Variants in IMMP2L observed in about 807,000 individuals in gnomAD.
IMMP2L encodes inner mitochondrial membrane peptidase subunit 2, also known as mitochondrial inner membrane protease subunit 2.
Under a neutral mutation model 19.3 loss-of-function variants are expected in IMMP2L, and 18 were observed. The observed-to-expected ratio is 0.93, with a 90% CI of 0.64 to 1.38. IMMP2L has a LOEUF of 1.38. Ranked by LOEUF, IMMP2L falls within the 40% of genes most tolerant of loss-of-function variation. The pLI, the probability that IMMP2L is intolerant of heterozygous loss-of-function variation, is 0.00. For missense variants in IMMP2L, 233 were observed against 218.2 expected (o/e 1.07, Z -0.43); for synonymous variants, 76 against 73.0 (o/e 1.04, Z -0.21).
chr7:111,066,025 C>T (rs1304649159), intron 3 of IMMP2L, among the ~76,000 whole-genome samples: 1 of 139,242 alleles, frequency 7.2e-6, no homozygotes, highest in Admixed American at 7.8e-5. Flanking sequence ...GTCTCCCAGG[C>T]TTGAGTGCTA....
chr7:111,048,959 T>C (rs183461737), intron 3 of IMMP2L, among the ~76,000 whole-genome samples: 326 of 152,160 alleles, frequency 2.1e-3, no homozygotes, highest in African/African-American at 7.7e-3. Flanking sequence ...GTGCATTAAG[T>C]GGACCCAGAG....
intron 3 of IMMP2L, among the ~76,000 whole-genome samples, chr7:110,983,056 C>T (rs1821470780): frequency 6.6e-6 from 1 of 152,128 alleles, no homozygotes; most frequent in African/African-American, 2.4e-5. Context: ...TATTTATAGT[C>T]ATGCAATTAT....
intron 5 of IMMP2L, among the ~76,000 whole-genome samples, chr7:110,861,123 G>C (rs1180138569): frequency 2.8e-5 from 4 of 145,424 alleles, no homozygotes; most frequent in Non-Finnish European, 4.6e-5. Context: ...GAGAGAGAGA[G>C]AGAGAGACAG....
At chr7:110,678,443 A>T (rs956072017) in intron 5 of IMMP2L, among the ~76,000 whole-genome samples, 3 of 152,174 alleles carry the variant, frequency 2.0e-5, no homozygotes, top group Non-Finnish European at 4.4e-5. Flanking sequence ...ATCTTTAAAT[A>T]TAAGAAAAGG....
intron 2 of IMMP2L, among the ~76,000 whole-genome samples, chr7:111,499,752 T>C (rs577690097): frequency 6.6e-6 from 1 of 152,298 alleles, no homozygotes; most frequent in East Asian, 1.9e-4. Context: ...AATGGTTCCC[T>C]AATTTATTGG....
At chr7:111,285,150 G>C (rs1291007040) in intron 3 of IMMP2L, among the ~76,000 whole-genome samples, 2 of 152,082 alleles carry the variant, frequency 1.3e-5, no homozygotes, top group African/African-American at 4.8e-5. Flanking sequence ...CCTATGACAT[G>C]AAACAGTGTG....
rs540358979 is a variant in IMMP2L at position 111,537,378 on chromosome 7, G to C, written c.-2-15929C>G. ...GGTCAACATGGTAGTGAGCCAAAGTGAGCATTCATGAAAAAAATAGAAATC... is the reference window on the plus strand; with the variant it reads ...GGTCAACATGGTAGTGAGCCAAAGTCAGCATTCATGAAAAAAATAGAAATC... On this transcript the variant is annotated intron_variant, in intron 1 of 5. Coordinates refer to ENST00000405709, the MANE Select transcript of IMMP2L (RefSeq NM_032549.4). Among the ~76,000 whole-genome samples the C allele has an allele frequency of 3.3e-5, 5 of 152,046 alleles. No homozygotes were observed. In the South Asian group the frequency reaches 1.0e-3, roughly 32 times the overall value.
At chr7:110,815,707 G>C (rs1802442649) in intron 5 of IMMP2L, among the ~76,000 whole-genome samples, 1 of 152,086 alleles carries the variant, frequency 6.6e-6, no homozygotes, top group African/African-American at 2.4e-5. Flanking sequence ...GGGTGTATGT[G>C]TCGAGGAATT....
chr7:111,187,301 A>T lies in IMMP2L; in HGVS notation c.240-223736T>A, dbSNP rs546394496. ...AGAGCAACTGCATAGACAAGACATA[A>T]GTTCTGCCACCCAAGGAGAGGGCCA... On this transcript the variant is annotated intron_variant, in intron 3 of 5. Transcript: ENST00000405709. Among the ~76,000 whole-genome samples, 32 of 152,256 alleles carry T rather than the reference A, an allele frequency of 2.1e-4. No individual in the cohort carries two copies. In the East Asian group the frequency reaches 4.2e-3, roughly 20 times the overall value.
At chr7:111,074,880 T>G (rs1795254895) in intron 3 of IMMP2L, among the ~76,000 whole-genome samples, 1 of 152,106 alleles carries the variant, frequency 6.6e-6, no homozygotes, top group African/African-American at 2.4e-5. Flanking sequence ...GAAAATCTAT[T>G]TGTACATAGA....
chr7:110,670,011 C>T (rs1356696862), intron 5 of IMMP2L, among the ~76,000 whole-genome samples: 1 of 152,088 alleles, frequency 6.6e-6, no homozygotes, highest in East Asian at 1.9e-4. Flanking sequence ...AAATTGTGTT[C>T]CCTCAACTTT....
chr7:110,749,038 T>G (rs1347308748), intron 5 of IMMP2L, among the ~76,000 whole-genome samples: 10 of 151,968 alleles, frequency 6.6e-5, no homozygotes, highest in Non-Finnish European at 1.5e-5. Flanking sequence ...ACAAAGAACT[T>G]AAACAGATTT....
chr7:111,187,432 T>C lies in IMMP2L; in HGVS notation c.240-223867A>G, dbSNP rs1808390725. ...CAAGCCCAAGTTACATATCTAACCT[T>C]TTAAAATATATAGCTAAAAGCCAAT... On this transcript the variant is annotated intron_variant, in intron 3 of 5. Transcript: ENST00000405709. Among the ~76,000 whole-genome samples, 4 of 152,106 alleles carry C rather than the reference T, an allele frequency of 2.6e-5. No homozygotes were observed. In the South Asian group the frequency reaches 8.3e-4, roughly 32 times the overall value.
chr7:110,736,608 A>G (rs1796654090), intron 5 of IMMP2L, among the ~76,000 whole-genome samples: 1 of 149,952 alleles, frequency 6.7e-6, no homozygotes, highest in South Asian at 2.2e-4. Context: ...CATAGAGTCA[A>G]AGATCATTCT....
At chr7:110,699,035 G>A (rs183498756) in intron 5 of IMMP2L, among the ~76,000 whole-genome samples, 1 of 152,298 alleles carries the variant, frequency 6.6e-6, no homozygotes, top group East Asian at 1.9e-4. Flanking sequence ...TGAAAGATGA[G>A]GAGATTTAAA....
intron 5 of IMMP2L, among the ~76,000 whole-genome samples, chr7:110,880,241 G>C (rs978527014): frequency 1.3e-5 from 2 of 151,844 alleles, no homozygotes; most frequent in Non-Finnish European, 2.9e-5. Context: ...TCCATTTATG[G>C]CTCCTTTATG....
intron 5 of IMMP2L, among the ~76,000 whole-genome samples, chr7:110,801,123 T>C (rs1383804733): frequency 6.6e-6 from 1 of 152,130 alleles, no homozygotes; most frequent in Non-Finnish European, 1.5e-5. Context: ...TCATGACTGC[T>C]GTACATAGTT....
At chr7:110,791,185 T>A (rs1800435874) in intron 5 of IMMP2L, among the ~76,000 whole-genome samples, 1 of 151,604 alleles carries the variant, frequency 6.6e-6, no homozygotes, top group Non-Finnish European at 1.5e-5. Flanking sequence ...ATGCACATAA[T>A]AGAAAAAGAA....
chr7:110,812,168 T>G (rs1374125491), intron 5 of IMMP2L, among the ~76,000 whole-genome samples: 2 of 152,084 alleles, frequency 1.3e-5, no homozygotes, highest in Non-Finnish European at 2.9e-5. Flanking sequence ...TGAATCTCTT[T>G]TACTCAGATT....
Sources: allele counts gnomAD v4.1 joint callset (sites outside exome capture counted in the v4.1 genomes callset), GRCh38; gene constraint gnomAD v4.1.1; transcripts MANE v1.5; gene names NCBI Gene and HGNC (gene_info 2026-07-23, HGNC 2026-07-21).